Variants in IGBP1C observed in about 807,000 individuals in gnomAD.
The protein encoded by IGBP1C is IGBP1 family member C.
the IGBP1C span, among the ~76,000 whole-genome samples, chr17:58,691,227 C>G: frequency 6.6e-6 from 1 of 152,162 alleles, no homozygotes; most frequent in African/African-American, 2.4e-5. Context: ...TTCCTTTTGG[C>G]ATGGCTATGG....
chr17:58,688,785 A>G, the IGBP1C span, among the ~76,000 whole-genome samples: 2 of 152,154 alleles, frequency 1.3e-5, no homozygotes, highest in African/African-American at 2.4e-5. Flanking sequence ...CTCAAGTTGC[A>G]AGAAAAACCA....
the IGBP1C span, among the ~76,000 whole-genome samples, chr17:58,663,756 A>C: frequency 2.2e-4 from 33 of 152,126 alleles, no homozygotes; most frequent in Admixed American, 8.5e-4. Context: ...GCATGAGCCA[A>C]TGTGCCAGGC....
At chr17:58,669,838 A>T in the IGBP1C span, among the ~76,000 whole-genome samples, 1 of 151,900 alleles carries the variant, frequency 6.6e-6, no homozygotes. Flanking sequence ...GTCAGGAAGG[A>T]GCATTGGTGC....
chr17:58,663,287 C>T, the IGBP1C span, among the ~76,000 whole-genome samples: 4 of 149,886 alleles, frequency 2.7e-5, no homozygotes, highest in African/African-American at 4.9e-5. Flanking sequence ...CCGGTTGTGG[C>T]GGTGCATGCC....
the IGBP1C span, among the ~76,000 whole-genome samples, chr17:58,684,066 T>A: frequency 1.3e-5 from 2 of 151,550 alleles, no homozygotes; most frequent in African/African-American, 4.9e-5. Flanking sequence ...GACCTACATA[T>A]ATAAAAGTAT....
At chr17:58,666,666 T>G in the IGBP1C span, 1 of 152,114 alleles carries the variant, frequency 6.6e-6, no homozygotes, top group Non-Finnish European at 1.5e-5. Flanking sequence ...ACCACCTCCA[T>G]AATCACAGTA....
chr17:58,669,591 A>G, the IGBP1C span, among the ~76,000 whole-genome samples: 2 of 151,426 alleles, frequency 1.3e-5, no homozygotes, highest in African/African-American at 4.9e-5. Context: ...AAAATTAGCC[A>G]GGTGTGGTGG....
the IGBP1C span, chr17:58,661,047 G>C: frequency 1.8e-6 from 2 of 1,109,964 alleles, no homozygotes; most frequent in Non-Finnish European, 2.8e-6. Context: ...TTATCTGCTT[G>C]ACCACTTTCC....
At chr17:58,670,056 G>C in the IGBP1C span, among the ~76,000 whole-genome samples, 140 of 152,288 alleles carry the variant, frequency 9.2e-4, 1 homozygote, top group African/African-American at 3.3e-3. Flanking sequence ...GCCTTTGCCT[G>C]TGTAGTTCCC....
chr17:58,662,766 A>G, the IGBP1C span, among the ~76,000 whole-genome samples: 1 of 152,196 alleles, frequency 6.6e-6, no homozygotes, highest in Admixed American at 6.5e-5. Context: ...TATATACTCA[A>G]TAATTTTTAA....
At chr17:58,684,216 C>T in the IGBP1C span, among the ~76,000 whole-genome samples, 3 of 151,956 alleles carry the variant, frequency 2.0e-5, no homozygotes, top group Non-Finnish European at 4.4e-5. Context: ...AATCCCAGCA[C>T]TTTGGGAGGC....
chr17:58,683,861 T>G, the IGBP1C span, among the ~76,000 whole-genome samples: 1 of 148,646 alleles, frequency 6.7e-6, no homozygotes, highest in South Asian at 2.1e-4. Flanking sequence ...GGTCAAGATA[T>G]CAAGACTATC....
chr17:58,676,924 C>G, the IGBP1C span, among the ~76,000 whole-genome samples: 1 of 152,064 alleles, frequency 6.6e-6, no homozygotes, highest in African/African-American at 2.4e-5. Flanking sequence ...TGAGGCCAGT[C>G]TGGCCAGCAT....
the IGBP1C span, among the ~76,000 whole-genome samples, chr17:58,663,711 G>A: frequency 2.0e-5 from 3 of 152,036 alleles, no homozygotes; most frequent in Non-Finnish European, 2.9e-5. Flanking sequence ...CAGGTGATCT[G>A]CCTGCCTTGA....
chr17:58,686,861 C>CT, the IGBP1C span, among the ~76,000 whole-genome samples: 1,243 of 71,534 alleles, frequency 0.017, 193 homozygotes, highest in Non-Finnish European at 0.025. Flanking sequence ...GAAAGGTCAC[C>CT]TTTTTTTTTT....
At chr17:58,673,727 A>G in the IGBP1C span, among the ~76,000 whole-genome samples, 3 of 151,674 alleles carry the variant, frequency 2.0e-5, no homozygotes, top group Non-Finnish European at 4.4e-5. Flanking sequence ...ATGCCCAGCT[A>G]ATTTTTTCAA....
chr17:58,665,980 C>T, the IGBP1C span, among the ~76,000 whole-genome samples: 5 of 149,488 alleles, frequency 3.3e-5, no homozygotes, highest in African/African-American at 5.0e-5. Flanking sequence ...ACCTAGGAGG[C>T]GGAGGTTGCA....
the IGBP1C span, among the ~76,000 whole-genome samples, chr17:58,663,882 A>C: frequency 9.7e-4 from 148 of 152,230 alleles, no homozygotes; most frequent in African/African-American, 3.4e-3. Flanking sequence ...TAAAAACCAT[A>C]CTAACTCTAT....
At chr17:58,661,662 C>A in the IGBP1C span, 2 of 624,708 alleles carry the variant, frequency 3.2e-6, no homozygotes, top group African/African-American at 1.8e-5. Context: ...AAGATTCTGG[C>A]GTAGATTTCT....
Sources: gnomAD v4.1 joint callset for allele counts (sites outside exome capture counted in the v4.1 genomes callset) on GRCh38, gnomAD v4.1.1 for gene constraint, MANE v1.5 for transcripts, NCBI Gene and HGNC (gene_info 2026-07-23, HGNC 2026-07-21) for gene names.